The following ENOX2 variants were observed in gnomAD, a reference collection of about 807,000 sequenced individuals.
ENOX2 encodes ecto-NOX disulfide-thiol exchanger 2.
ENOX2 carries 36 observed loss-of-function variants against 45.0 expected under a neutral mutation model. The ratio of observed to expected loss-of-function variants is 0.80; its 90% CI spans 0.61 to 1.06. The LOEUF is 1.06. Among genes scored for constraint, ENOX2 ranks in the 50% least tolerant of loss-of-function variants. ENOX2 has a pLI of 0.00. For synonymous variants in ENOX2, 174 were observed against 152.3 expected, an observed-to-expected ratio of 1.14 and a Z score of -1.05; for missense variants, 423 against 462.5, an observed-to-expected ratio of 0.91 and a Z score of 0.78.
chrX:130,729,063 G>C (rs1291741477), intron 3 of ENOX2, among the ~76,000 whole-genome samples: 2 of 110,941 alleles, frequency 1.8e-5, no homozygotes, highest in African/African-American at 6.6e-5. Context: ...TATTCCAAGG[G>C]GGAAGTGACT....
At chrX:130,641,718 C>CAAAA (rs753792308) in intron 10 of ENOX2, among the ~76,000 whole-genome samples, 7 of 34,680 alleles carry the variant, frequency 2.0e-4, no homozygotes, top group African/African-American at 4.8e-4. Context: ...ACTCCATCTC[C>CAAAA]AAAAAAAAAA....
chrX:130,890,924 A>G (rs2078973954), intron 2 of ENOX2, among the ~76,000 whole-genome samples: 1 of 113,134 alleles, frequency 8.8e-6, no homozygotes, highest in African/African-American at 3.2e-5. Flanking sequence ...TTAATAGTCT[A>G]TGCCAACTGT....
chrX:130,679,761 G>A lies in ENOX2; in HGVS notation c.254-13C>T. ...GGAGGTGGGAGATCTAAGTTGTAAG[G>A]GCAAAAACATTTGAAATTAAAATGT... On this transcript the variant is annotated splice_polypyrimidine_tract_variant and intron_variant, in intron 5 of 14. Coordinates refer to ENST00000394363, the MANE Select transcript of ENOX2 (RefSeq NM_006375.4). The A allele has an allele frequency of 3.5e-6, 4 of 1,151,506 alleles. No individual in the cohort carries two copies. Among genetic ancestry groups the A allele is most frequent in the Non-Finnish European group, 4.8e-6 (4 of 840,828 alleles). 94.9% of individuals were successfully genotyped at this position (1,151,506 alleles called of 1,213,427 possible).
In ENOX2 at chrX:130,884,937, C is replaced by G. The variant is rs192793763; in HGVS notation, c.-183+16747G>C. Among the ~76,000 whole-genome samples, 568 of 111,959 alleles carry G rather than the reference C, an allele frequency of 5.1e-3. 1 individual carries two copies. Among genetic ancestry groups the G allele is most frequent in the African/African-American group, 0.018 (542 of 30,835 alleles). On this transcript the variant is annotated intron_variant, in intron 2 of 14. Transcript: ENST00000394363. ...AATCTTATAAGTTCATCCAGTACAACAGTACAAACAAACTAGCTTTTTAGA... is the reference window on the plus strand; with the variant it reads ...AATCTTATAAGTTCATCCAGTACAAGAGTACAAACAAACTAGCTTTTTAGA...
chrX:130,765,812 G>A (rs897649070), intron 3 of ENOX2, among the ~76,000 whole-genome samples: 1 of 111,634 alleles, frequency 9.0e-6, no homozygotes, highest in African/African-American at 3.2e-5. Context: ...ATTGCTTGCA[G>A]CAATTTGTAT....
At chrX:130,697,035 T>C (rs1030757782) in intron 4 of ENOX2, among the ~76,000 whole-genome samples, 4 of 111,566 alleles carry the variant, frequency 3.6e-5, no homozygotes, top group Non-Finnish European at 7.5e-5. Context: ...TATTGTATTT[T>C]TTCATATACT....
chrX:130,656,456 A>G, intron 10 of ENOX2, 125 bp downstream of exon 10: 1 of 467,197 alleles, frequency 2.1e-6, no homozygotes, highest in South Asian at 3.4e-5. Flanking sequence ...TGGCCTTGCC[A>G]CTTATTTCTA....
chrX:130,720,447 A>G (rs765955055), intron 3 of ENOX2, among the ~76,000 whole-genome samples: 23 of 112,225 alleles, frequency 2.0e-4, no homozygotes, highest in African/African-American at 3.2e-4. Context: ...ATGGAATGCA[A>G]TGGGTCAGGG....
At position 130,624,383 on chromosome X, in the gene ENOX2, C is replaced by T. The variant is rs182160848; in HGVS notation, c.*931G>A. ...TAAACATAGTATTTACAGCAGTACT[C>T]GGTTTGCAATTCAACACACTGACAA... is the stretch of plus-strand genomic sequence containing the variant. On this transcript the variant is annotated 3_prime_UTR_variant, in exon 15 of 15. Coordinates refer to ENST00000394363, the MANE Select transcript of ENOX2 (RefSeq NM_006375.4). 3 of 112,741 alleles carry T rather than the reference C, an allele frequency of 2.7e-5. No individual in the cohort carries two copies. The highest frequency in any genetic ancestry group is 2.8e-4 in the East Asian group (1 of 3,608). 9.3% of individuals were successfully genotyped at this position (112,741 alleles called of 1,213,427 possible).
intron 2 of ENOX2, among the ~76,000 whole-genome samples, chrX:130,884,110 G>C (rs1322771583): frequency 1.8e-5 from 2 of 111,307 alleles, no homozygotes; most frequent in Non-Finnish European, 3.8e-5. Flanking sequence ...CTCTAATCCT[G>C]ATCTGTTCCC....
chrX:130,889,037 C>T (rs1428345084), intron 2 of ENOX2, among the ~76,000 whole-genome samples: 2 of 111,669 alleles, frequency 1.8e-5, no homozygotes, highest in Non-Finnish European at 3.8e-5. Flanking sequence ...TCTAAATCCA[C>T]AAGGTAAAAA....
chrX:130,741,527 C>T (rs760454647), intron 3 of ENOX2, among the ~76,000 whole-genome samples: 1 of 111,765 alleles, frequency 8.9e-6, no homozygotes, highest in African/African-American at 3.3e-5. Flanking sequence ...TGGGTATAAT[C>T]GCTTTCTAAT....
intron 10 of ENOX2, among the ~76,000 whole-genome samples, chrX:130,645,251 T>C (rs1360684538): frequency 1.8e-5 from 2 of 111,700 alleles, no homozygotes; most frequent in African/African-American, 3.3e-5. Flanking sequence ...GAATGAAAGG[T>C]AGAATGAAGT....
Position 130,651,875 on chromosome X carries a change from T to A in ENOX2, c.1129+4706A>T, listed in dbSNP as rs919027393. 2.9e-4 allele frequency among the ~76,000 whole-genome samples: 32 copies of A among 111,620 alleles called. 1 individual carries two copies. Among genetic ancestry groups the A allele is most frequent in the African/African-American group, 1.0e-3 (31 of 30,728 alleles). Reference sequence around the variant, plus strand: ...AAAGTAAACGCTACTTGAATATGGATCCCTTCCCTTTCTTCTTTCAAAGAT... The same window carrying A: ...AAAGTAAACGCTACTTGAATATGGAACCCTTCCCTTTCTTCTTTCAAAGAT... On this transcript the variant is annotated intron_variant, in intron 10 of 14. Transcript: ENST00000394363.
At position 130,880,140 on chromosome X, in the gene ENOX2, C is replaced by T. The variant is rs147565723; in HGVS notation, c.-183+21544G>A. 5.1e-3 allele frequency among the ~76,000 whole-genome samples: 566 copies of T among 110,872 alleles called. 3 individuals carry two copies. The highest frequency in any genetic ancestry group is 0.018 in the African/African-American group (536 of 30,540). ...AAAAGCTGGGGAGGATGCCTGCTGT[C>T]CATTAAAAACAGAAAACAGAGCCAA... On this transcript the variant is annotated intron_variant, in intron 2 of 14. Coordinates refer to ENST00000394363, the MANE Select transcript of ENOX2 (RefSeq NM_006375.4).
chrX:130,712,399 A>C (rs1249393806), intron 3 of ENOX2, among the ~76,000 whole-genome samples: 1 of 111,470 alleles, frequency 9.0e-6, no homozygotes, highest in Non-Finnish European at 1.9e-5. Context: ...CAATAAATAA[A>C]AACACCTGAA....
At chrX:130,884,469 C>T (rs140348654) in intron 2 of ENOX2, among the ~76,000 whole-genome samples, 5 of 111,023 alleles carry the variant, frequency 4.5e-5, no homozygotes, top group South Asian at 3.9e-4. Context: ...ATCTAGTACA[C>T]GGGACAGTCT....
At chrX:130,899,514 A>T (rs2079111375) in intron 2 of ENOX2, among the ~76,000 whole-genome samples, 1 of 112,022 alleles carries the variant, frequency 8.9e-6, no homozygotes. Context: ...GACGGAGGTA[A>T]CTAAGTGCAG....
At chrX:130,688,799 A>T in intron 5 of ENOX2, 64 bp downstream of exon 5, 1 of 906,694 alleles carries the variant, frequency 1.1e-6, no homozygotes, top group Non-Finnish European at 1.5e-6. Flanking sequence ...CTTTTGAGAA[A>T]GAAGAAAGCT....
Sources: allele counts gnomAD v4.1 joint callset (sites outside exome capture counted in the v4.1 genomes callset), GRCh38; gene constraint gnomAD v4.1.1; transcripts MANE v1.5; gene names NCBI Gene and HGNC (gene_info 2026-07-23, HGNC 2026-07-21).